BMPR1A: variants seen among roughly 807,000 people sequenced by gnomAD.
The protein encoded by BMPR1A is bone morphogenetic protein receptor type 1A.
Under a neutral mutation model 66.0 loss-of-function variants are expected in BMPR1A, and 7 were observed. That is an observed-to-expected ratio of 0.11 (90% CI 0.06 to 0.20). BMPR1A has a LOEUF of 0.20. BMPR1A is among the 10% of genes least tolerant of loss of function. The pLI, the probability that BMPR1A is intolerant of heterozygous loss-of-function variation, is 1.00. For missense variants in BMPR1A, 408 were observed against 669.1 expected, an observed-to-expected ratio of 0.61 and a Z score of 4.31; for synonymous variants, 200 against 229.7, an observed-to-expected ratio of 0.87 and a Z score of 1.17.
intron 7 of BMPR1A, among the ~76,000 whole-genome samples, chr10:86,910,574 G>A (rs918082824): frequency 6.6e-6 from 1 of 152,150 alleles, no homozygotes; most frequent in Non-Finnish European, 1.5e-5. Flanking sequence ...TTCTAAGGAA[G>A]TGAACTTGAT....
intron 7 of BMPR1A, among the ~76,000 whole-genome samples, chr10:86,902,782 G>A (rs915047947): frequency 6.6e-6 from 1 of 152,202 alleles, no homozygotes; most frequent in African/African-American, 2.4e-5. Flanking sequence ...GAACCCAGGT[G>A]TAGCCAGTAG....
intron 1 of BMPR1A, among the ~76,000 whole-genome samples, chr10:86,789,443 T>C (rs181253080): frequency 6.8e-4 from 103 of 152,294 alleles, no homozygotes; most frequent in African/African-American, 2.3e-3. Context: ...CTGGGCGCCG[T>C]GGCTCACACC....
At chr10:86,788,075 G>A (rs974750456) in intron 1 of BMPR1A, among the ~76,000 whole-genome samples, 1 of 152,054 alleles carries the variant, frequency 6.6e-6, no homozygotes, top group East Asian at 1.9e-4. Context: ...TGGGCTCAGC[G>A]GTTTGATCTT....
At chr10:86,762,755 C>T (rs1841089228) in intron 1 of BMPR1A, among the ~76,000 whole-genome samples, 1 of 152,052 alleles carries the variant, frequency 6.6e-6, no homozygotes, top group Admixed American at 6.6e-5. Flanking sequence ...AAAGGAAGTC[C>T]AGGGAATGTT....
intron 1 of BMPR1A, among the ~76,000 whole-genome samples, chr10:86,779,576 A>C (rs1362810523): frequency 1.3e-5 from 2 of 151,982 alleles, no homozygotes; most frequent in Admixed American, 6.5e-5. Context: ...TTTGATTTGC[A>C]TTTCCCTGAT....
chr10:86,882,935 C>T (rs1486878238), intron 3 of BMPR1A, among the ~76,000 whole-genome samples: 2 of 151,990 alleles, frequency 1.3e-5, no homozygotes, highest in Non-Finnish European at 2.9e-5. Context: ...TGTACTCCAG[C>T]CTGGGCAACA....
intron 1 of BMPR1A, among the ~76,000 whole-genome samples, chr10:86,788,405 A>C (rs755436815): frequency 1.5e-4 from 23 of 152,140 alleles, no homozygotes; most frequent in Non-Finnish European, 2.2e-4. Flanking sequence ...ATTGTTCCCA[A>C]ATGATGCCCC....
chr10:86,905,581 C>T (rs372411458), intron 7 of BMPR1A, among the ~76,000 whole-genome samples: 17 of 152,122 alleles, frequency 1.1e-4, no homozygotes, highest in African/African-American at 3.9e-4. Flanking sequence ...TTGTGTGTCC[C>T]TCATGCTTGG....
intron 2 of BMPR1A, chr10:86,854,888 A>G: frequency 4.4e-6 from 1 of 229,480 alleles, no homozygotes; most frequent in South Asian, 8.6e-5. Context: ...GGGAATGACT[A>G]TCTGGGTCTG....
chr10:86,855,472 T>G, intron 2 of BMPR1A: 1 of 572,160 alleles, frequency 1.7e-6, no homozygotes. Context: ...CTGTATTTAC[T>G]TTCAGAATTT....
intron 1 of BMPR1A, among the ~76,000 whole-genome samples, chr10:86,780,579 C>T (rs7068209): frequency 0.014 from 2,085 of 152,174 alleles, 43 homozygotes; most frequent in African/African-American, 0.048. Flanking sequence ...GGATTACAGG[C>T]GTGCACCACC....
intron 7 of BMPR1A, among the ~76,000 whole-genome samples, chr10:86,909,599 GAAAA>G (rs1217186207): frequency 8.1e-5 from 11 of 135,048 alleles, no homozygotes; most frequent in Non-Finnish European, 1.4e-4. Context: ...AAAAAAAAAA[GAAAA>G]AAAAGAAAAA....
At chr10:86,788,565 T>C (rs1181828450) in intron 1 of BMPR1A, among the ~76,000 whole-genome samples, 1 of 152,218 alleles carries the variant, frequency 6.6e-6, no homozygotes, top group Non-Finnish European at 1.5e-5. Flanking sequence ...AATGTCTCTT[T>C]TTTGAAGCAT....
At position 86,923,925 on chromosome 10, in the gene BMPR1A, G is replaced by A; in HGVS notation, c.*206G>A. ...CTAAACACTTCATTCTTTATATATG[G>A]ACAGCTTTATTTTAAATGTGGTTTT... On this transcript the variant is annotated 3_prime_UTR_variant, in exon 13 of 13. Transcript: ENST00000372037. 1 of 612,268 alleles carries A rather than the reference G, an allele frequency of 1.6e-6. No individual in the cohort carries two copies. Among genetic ancestry groups the A allele is most frequent in the East Asian group, 2.9e-5 (1 of 34,050 alleles). 37.9% of individuals were successfully genotyped at this position (612,268 alleles called of 1,614,324 possible).
At chr10:86,759,002 T>C (rs562026248) in intron 1 of BMPR1A, among the ~76,000 whole-genome samples, 4 of 152,338 alleles carry the variant, frequency 2.6e-5, no homozygotes, top group East Asian at 1.9e-4. Flanking sequence ...GAAATACTTA[T>C]TGAAAAATAA....
At chr10:86,804,792 G>GTTTTTTT (rs5786747) in intron 1 of BMPR1A, among the ~76,000 whole-genome samples, 7 of 57,262 alleles carry the variant, frequency 1.2e-4, no homozygotes, top group East Asian at 5.6e-4. Flanking sequence ...GTTTGTAGGT[G>GTTTTTTT]TTTTTTTTTT....
intron 1 of BMPR1A, among the ~76,000 whole-genome samples, chr10:86,784,235 T>C (rs1347469625): frequency 6.6e-6 from 1 of 152,166 alleles, no homozygotes; most frequent in Non-Finnish European, 1.5e-5. Flanking sequence ...CTGTGGACTT[T>C]TTATGTATGG....
chr10:86,769,824 G>C (rs552561450), intron 1 of BMPR1A, among the ~76,000 whole-genome samples: 4 of 152,304 alleles, frequency 2.6e-5, no homozygotes, highest in South Asian at 2.1e-4. Flanking sequence ...TACGCAGCAG[G>C]CTGGTTTATC....
At chr10:86,796,531 T>A (rs569080562) in intron 1 of BMPR1A, among the ~76,000 whole-genome samples, 3 of 139,202 alleles carry the variant, frequency 2.2e-5, no homozygotes, top group Admixed American at 1.4e-4. Context: ...TTATTTATTT[T>A]TAGTATTTTG....
Sources: gnomAD v4.1 joint callset for allele counts (sites outside exome capture counted in the v4.1 genomes callset) on GRCh38, gnomAD v4.1.1 for gene constraint, MANE v1.5 for transcripts, NCBI Gene and HGNC (gene_info 2026-07-23, HGNC 2026-07-21) for gene names.